Variants in NCAM2 observed in about 807,000 individuals in gnomAD.
NCAM2 encodes the protein N-CAM-2.
In NCAM2, 30 loss-of-function variants were observed where a neutral mutation model predicts 98.1. The ratio of observed to expected loss-of-function variants is 0.31; its 90% confidence interval spans 0.23 to 0.41. The LOEUF is 0.41. Among genes scored for constraint, NCAM2 ranks in the 10% least tolerant of loss-of-function variants. NCAM2 has a pLI of 1.00. For missense variants in NCAM2, 867 were observed against 1,005.8 expected (o/e 0.86, Z 1.87); for synonymous variants, 368 against 342.4 (o/e 1.07, Z -0.83).
intron 1 of NCAM2, among the ~76,000 whole-genome samples, chr21:21,278,262 C>T (rs2072803497): frequency 6.6e-6 from 1 of 151,894 alleles, no homozygotes; most frequent in Non-Finnish European, 1.5e-5. Context: ...TGCCCTACTG[C>T]CCAGAATTGT....
At chr21:21,278,402 T>C (rs918455128) in intron 1 of NCAM2, among the ~76,000 whole-genome samples, 1 of 152,130 alleles carries the variant, frequency 6.6e-6, no homozygotes, top group African/African-American at 2.4e-5. Context: ...AGAAAATTGT[T>C]TACTTATTTA....
chr21:21,149,648 T>C (rs542610583), intron 1 of NCAM2, among the ~76,000 whole-genome samples: 1 of 152,136 alleles, frequency 6.6e-6, no homozygotes, highest in Non-Finnish European at 1.5e-5. Flanking sequence ...CTCCCACTTA[T>C]CAGTGAGCAC....
chr21:21,226,579 A>AT (rs2070392475), intron 1 of NCAM2: 1 of 152,114 alleles, frequency 6.6e-6, no homozygotes, highest in Non-Finnish European at 1.5e-5. Flanking sequence ...CTAAAAATAT[A>AT]TAAAGTACTA....
chr21:21,093,321 A>G (rs955161107), intron 1 of NCAM2, among the ~76,000 whole-genome samples: 18 of 152,060 alleles, frequency 1.2e-4, no homozygotes, highest in African/African-American at 4.3e-4. Flanking sequence ...GATCCCAGTT[A>G]CAGATGCTAT....
chr21:21,507,180 C>T (rs780455381), intron 15 of NCAM2, among the ~76,000 whole-genome samples: 1 of 152,014 alleles, frequency 6.6e-6, no homozygotes, highest in Non-Finnish European at 1.5e-5. Context: ...ACAAGTCTGA[C>T]ATACTCAAAG....
chr21:21,178,752 G>T (rs921417151), intron 1 of NCAM2, among the ~76,000 whole-genome samples: 1 of 151,524 alleles, frequency 6.6e-6, no homozygotes, highest in Non-Finnish European at 1.5e-5. Flanking sequence ...TCACTTAAAA[G>T]TATCATAATT....
intron 12 of NCAM2, among the ~76,000 whole-genome samples, chr21:21,454,034 T>C (rs1319778830): frequency 6.6e-6 from 1 of 152,098 alleles, no homozygotes; most frequent in African/African-American, 2.4e-5. Context: ...CTAGGATTTC[T>C]AGTTACATAT....
intron 1 of NCAM2, among the ~76,000 whole-genome samples, chr21:21,256,606 C>A (rs1425318605): frequency 6.6e-6 from 1 of 152,126 alleles, no homozygotes; most frequent in Non-Finnish European, 1.5e-5. Flanking sequence ...ACATAAAGCT[C>A]CACCTCTACA....
chr21:21,522,125 A>G (rs1989051798), intron 16 of NCAM2, among the ~76,000 whole-genome samples: 1 of 148,060 alleles, frequency 6.8e-6, no homozygotes, highest in African/African-American at 2.4e-5. Context: ...TACTATATTT[A>G]TATATAAATA....
chr21:21,252,659 C>T (rs911222596), intron 1 of NCAM2, among the ~76,000 whole-genome samples: 2 of 152,090 alleles, frequency 1.3e-5, no homozygotes, highest in East Asian at 1.9e-4. Context: ...TTTCCACACC[C>T]GTACACTCTT....
intron 12 of NCAM2, among the ~76,000 whole-genome samples, chr21:21,443,311 A>C (rs1469702979): frequency 6.6e-6 from 1 of 152,140 alleles, no homozygotes; most frequent in Non-Finnish European, 1.5e-5. Flanking sequence ...ACATTAGGAG[A>C]AATACCTAAT....
intron 4 of NCAM2, among the ~76,000 whole-genome samples, chr21:21,288,490 C>CG (rs1485272810): frequency 2.0e-5 from 3 of 151,660 alleles, no homozygotes; most frequent in Non-Finnish European, 4.4e-5. Context: ...AAACATAACA[C>CG]TAAGTTGTGT....
chr21:21,040,998 C>T (rs554436257), intron 1 of NCAM2, among the ~76,000 whole-genome samples: 10 of 152,174 alleles, frequency 6.6e-5, no homozygotes, highest in South Asian at 2.1e-4. Context: ...TTCATCATTA[C>T]GTGTTGTATG....
chr21:21,434,827 G>C (rs1031795369), intron 12 of NCAM2, among the ~76,000 whole-genome samples: 4 of 152,032 alleles, frequency 2.6e-5, no homozygotes, highest in Non-Finnish European at 5.9e-5. Context: ...CTCAACCTGG[G>C]GAGCTTAATG....
chr21:21,146,052 G>A (rs1601492008), intron 1 of NCAM2, among the ~76,000 whole-genome samples: 1 of 152,082 alleles, frequency 6.6e-6, no homozygotes, highest in East Asian at 1.9e-4. Context: ...TTTTTTGACA[G>A]TTTTTACAAG....
intron 1 of NCAM2, among the ~76,000 whole-genome samples, chr21:21,055,612 A>G (rs1357999129): frequency 1.3e-5 from 2 of 152,068 alleles, no homozygotes; most frequent in Non-Finnish European, 2.9e-5. Context: ...GCTTCTTAGT[A>G]ATATGTAAAA....
intron 5 of NCAM2, among the ~76,000 whole-genome samples, chr21:21,313,325 G>T (rs557986307): frequency 7.9e-4 from 120 of 151,464 alleles, no homozygotes; most frequent in African/African-American, 2.7e-3. Context: ...TTGTGAATTT[G>T]TTCCAATTTT....
intron 1 of NCAM2, among the ~76,000 whole-genome samples, chr21:21,062,945 T>C (rs2065352534): frequency 6.6e-6 from 1 of 152,184 alleles, no homozygotes; most frequent in Admixed American, 6.5e-5. Context: ...CCAAGTATCT[T>C]TGCAGTGTTA....
In NCAM2 at chr21:21,150,601, T is replaced by G. The variant is rs546680404; in HGVS notation, c.56-129977T>G. ...CATCTATCTTTATGATCATATGGTT[T>G]TTATCTTTTATTTTATATATGTGAT... On this transcript the variant is annotated intron_variant, in intron 1 of 17. Transcript: ENST00000400546. Among the ~76,000 whole-genome samples, 5 of 152,236 alleles carry G rather than the reference T, an allele frequency of 3.3e-5. No homozygotes were observed. The South Asian group carries it at 8.3e-4, about 25-fold the overall frequency.
Sources: allele counts gnomAD v4.1 joint callset (sites outside exome capture counted in the v4.1 genomes callset), GRCh38; gene constraint gnomAD v4.1.1; transcripts MANE v1.5; gene names NCBI Gene and HGNC (gene_info 2026-07-23, HGNC 2026-07-21).